Variants in BTBD1 observed in about 807,000 individuals in gnomAD.
BTBD1 encodes the protein BTB domain containing 1, also known as BTB/POZ domain-containing protein 1.
Under a neutral mutation model 48.0 loss-of-function variants are expected in BTBD1, and 34 were observed. The observed-to-expected ratio is 0.71, with a 90% CI of 0.54 to 0.94. The LOEUF (loss-of-function observed/expected upper bound fraction) is 0.94. Among genes scored for constraint, BTBD1 ranks in the 40% least tolerant of loss-of-function variants. The pLI is 0.00. For synonymous variants in BTBD1, 261 were observed against 242.1 expected (o/e 1.08, Z -0.72); for missense variants, 543 against 625.6 (o/e 0.87, Z 1.41).
At position 83,018,871 on chromosome 15, in the gene BTBD1, C is replaced by G; in HGVS notation, c.1144-18G>C. The G allele has an allele frequency of 6.2e-7, 1 of 1,605,724 alleles. No homozygotes were observed. Among genetic ancestry groups the G allele is most frequent in the Non-Finnish European group, 8.5e-7 (1 of 1,173,906 alleles). Reference sequence around the variant, plus strand: ...TCAATGATCTGTAATTTTTAAGAGACAAGTTACATTTAAGTTAAACCAAAT... The same window carrying G: ...TCAATGATCTGTAATTTTTAAGAGAGAAGTTACATTTAAGTTAAACCAAAT... On this transcript the variant is annotated intron_variant, in intron 6 of 7. Coordinates refer to ENST00000261721, the MANE Select transcript of BTBD1 (RefSeq NM_025238.4).
Position 83,018,207 on chromosome 15 carries a change from C to T in BTBD1, c.1309G>A (p.Gly437Ser). The change falls in exon 8 of 8, where the codon GGC (glycine) becomes AGC (serine). Residue 437 changes from glycine (G) to serine (S), a missense_variant. By Grantham distance (56) the Gly-to-Ser change is moderately conservative. Around this residue, in one of 3 missense-constraint regions of BTBD1, gnomAD observed 300 missense variants for 350.0 expected, o/e 0.86. Transcript: ENST00000261721. ...ATLKGPDSHY[G>S]TKGLKKVVHE... Reference sequence around the variant, plus strand: ...ACTACTTTCTTCAATCCTTTTGTGCCATAGTGGGAATCTGGACCCTAAATG... The same window carrying T: ...ACTACTTTCTTCAATCCTTTTGTGCTATAGTGGGAATCTGGACCCTAAATG... The T allele has an allele frequency of 6.3e-7, 1 of 1,596,834 alleles. No individual in the cohort carries two copies.
chr15:83,062,265 G>A (rs527300775), intron 1 of BTBD1, among the ~76,000 whole-genome samples: 2 of 152,308 alleles, frequency 1.3e-5, no homozygotes, highest in East Asian at 3.9e-4. Context: ...CAGGATGAAT[G>A]GAGAGAGTTA....
intron 3 of BTBD1, chr15:83,044,658 G>A (rs1015208325): frequency 2.0e-6 from 3 of 1,522,922 alleles, no homozygotes; most frequent in Admixed American, 1.7e-5. Flanking sequence ...TCAGCATCAG[G>A]AGTGGGATGG....
rs1403669370 is a variant in BTBD1, at chr15:83,066,825, G to C, written c.327C>G (p.Asn109Lys). 2 of 1,444,168 alleles carry C rather than the reference G, an allele frequency of 1.4e-6. No individual in the cohort carries two copies. The highest frequency in any genetic ancestry group is 1.8e-6 in the Non-Finnish European group (2 of 1,102,132). 89.5% of individuals were successfully genotyped at this position (1,444,168 alleles called of 1,614,324 possible). A position where few individuals can be genotyped will look rare whatever the true frequency, so the allele number is the denominator to read the frequency against. The change falls in exon 1 of 8, where the codon AAC becomes AAG. Residue 109 changes from asparagine (N) to lysine (K), a missense_variant. This residue lies in a region of BTBD1 where 173 missense variants were observed against 163.9 expected (regional missense o/e 1.06). Transcript: ENST00000261721. ...CGGCCGACGTGGTGGCCATGCCGCC[G>C]TTGAACATGGCGTCAAAGACGGCGC... ...AGSAVFDAMF[N>K]GGMATTSAEI...
chr15:83,024,481 C>T (rs1429033711), intron 5 of BTBD1: 1 of 151,968 alleles, frequency 6.6e-6, no homozygotes, highest in Non-Finnish European at 1.5e-5. Flanking sequence ...GAGAGGTCTA[C>T]CTCATCCTCA....
At position 83,017,322 on chromosome 15, in the gene BTBD1, CAG is replaced by C. The variant is rs1447748433; in HGVS notation, c.*743_*744del. 3.9e-5 allele frequency: 6 copies of C among 152,644 alleles called. No homozygotes were observed. Among genetic ancestry groups the C allele is most frequent in the Non-Finnish European group, 7.3e-5 (5 of 68,038 alleles). 9.5% of individuals were successfully genotyped at this position (152,644 alleles called of 1,614,324 possible). A position where few individuals can be genotyped will look rare whatever the true frequency, so the allele number is the denominator to read the frequency against. ...GGAATCATCAGCAGTGTCCCCCACACAGAGAGACAGGTATAGTGGTGCAGTTT... is the reference window on the plus strand; with the variant it reads ...GGAATCATCAGCAGTGTCCCCCACACAGAGACAGGTATAGTGGTGCAGTTT... On this transcript the variant is annotated 3_prime_UTR_variant, in exon 8 of 8. Transcript: ENST00000261721.
At chr15:83,044,417 A>G in intron 3 of BTBD1, 1 of 1,577,066 alleles carries the variant, frequency 6.3e-7, no homozygotes, top group Non-Finnish European at 8.7e-7. Flanking sequence ...GTGGACAGCA[A>G]ACGCTTTGAT....
chr15:83,061,884 C>G (rs2033182043), intron 1 of BTBD1: 2 of 152,170 alleles, frequency 1.3e-5, no homozygotes, highest in African/African-American at 4.8e-5. Flanking sequence ...CAACAGATAA[C>G]CAAAACATGC....
intron 4 of BTBD1, among the ~76,000 whole-genome samples, chr15:83,041,433 C>T (rs912581425): frequency 7.3e-5 from 11 of 151,090 alleles, no homozygotes; most frequent in Middle Eastern, 3.4e-3. Flanking sequence ...TGGAATGCAA[C>T]GGCATGATCT....
At chr15:83,034,330 CAAG>C (rs1389688193) in intron 4 of BTBD1, among the ~76,000 whole-genome samples, 1 of 152,046 alleles carries the variant, frequency 6.6e-6, no homozygotes, top group Non-Finnish European at 1.5e-5. Flanking sequence ...GACTTTAAAA[CAAG>C]AAGTTTAGGC....
At chr15:83,049,510 T>C (rs915278097) in intron 3 of BTBD1, among the ~76,000 whole-genome samples, 2 of 152,214 alleles carry the variant, frequency 1.3e-5, no homozygotes, top group Non-Finnish European at 1.5e-5. Flanking sequence ...CGCACCATTT[T>C]CCGGATTTGC....
chr15:83,062,747 G>A (rs1448085052), intron 1 of BTBD1, among the ~76,000 whole-genome samples: 1 of 152,198 alleles, frequency 6.6e-6, no homozygotes, highest in Non-Finnish European at 1.5e-5. Flanking sequence ...GGGAATGAGT[G>A]CGTAAAGCTC....
At chr15:83,029,750 T>C in intron 5 of BTBD1, 1 of 193,478 alleles carries the variant, frequency 5.2e-6, no homozygotes. Flanking sequence ...GATGCATGCC[T>C]TACAGGTTAC....
At chr15:83,048,489 C>A (rs953860813) in intron 3 of BTBD1, among the ~76,000 whole-genome samples, 3 of 152,160 alleles carry the variant, frequency 2.0e-5, no homozygotes, top group African/African-American at 7.2e-5. Flanking sequence ...TCCTACAAGA[C>A]AAAAGGTACA....
chr15:83,028,822 C>T (rs2032459175), intron 5 of BTBD1: 1 of 152,002 alleles, frequency 6.6e-6, no homozygotes, highest in South Asian at 2.1e-4. Flanking sequence ...ATTATATTCC[C>T]ATTTTTGCTT....
intron 1 of BTBD1, among the ~76,000 whole-genome samples, chr15:83,062,646 G>A (rs983819821): frequency 1.2e-4 from 19 of 152,154 alleles, no homozygotes; most frequent in Admixed American, 8.5e-4. Flanking sequence ...TTAATAACAT[G>A]TCCATCTGCA....
At chr15:83,065,887 A>G (rs1054507449) in intron 1 of BTBD1, among the ~76,000 whole-genome samples, 2 of 152,234 alleles carry the variant, frequency 1.3e-5, no homozygotes, top group African/African-American at 4.8e-5. Context: ...ATTTATAAGC[A>G]AATGTGACCT....
At chr15:83,044,090 G>T (rs1456922325) in intron 3 of BTBD1, among the ~76,000 whole-genome samples, 1 of 152,072 alleles carries the variant, frequency 6.6e-6, no homozygotes, top group African/African-American at 2.4e-5. Flanking sequence ...TTAAGCACTT[G>T]AAAAGAATAG....
chr15:83,025,890 C>T (rs1282386312), intron 5 of BTBD1, among the ~76,000 whole-genome samples: 2 of 152,134 alleles, frequency 1.3e-5, no homozygotes, highest in Non-Finnish European at 2.9e-5. Context: ...CTGTCTCAGC[C>T]TCCCGAGTAG....
Sources: allele counts gnomAD v4.1 joint callset (sites outside exome capture counted in the v4.1 genomes callset), GRCh38; gene constraint gnomAD v4.1.1; regional missense constraint gnomAD v4.1.1; transcripts MANE v1.5; gene names NCBI Gene and HGNC (gene_info 2026-07-23, HGNC 2026-07-21).